Variants in MED16 observed in about 807,000 individuals in gnomAD.
The protein encoded by MED16 is mediator of RNA polymerase II transcription subunit 16.
Under a neutral mutation model 84.4 loss-of-function variants are expected in MED16, and 81 were observed. The observed-to-expected ratio is 0.96, with a 90% CI of 0.80 to 1.15. The LOEUF (loss-of-function observed/expected upper bound fraction) is 1.15, where lower values mean the gene tolerates loss of function less well. Among genes scored for constraint, MED16 ranks in the 50% most tolerant of loss-of-function variants. The probability of loss-of-function intolerance (pLI) is 0.00; values close to 1 mark genes in which losing one functional copy is unlikely to be tolerated. For missense variants in MED16, 1,585 were observed against 1,245.9 expected (o/e 1.27, Z -4.10); for synonymous variants, 897 against 552.2 (o/e 1.62, Z -8.76).
chr19:892,874 A>AGCCCCGCGCCCCGCGCCCCGC lies in MED16; in HGVS notation c.-19+211_-19+212insGCGGGGCGCGGGGCGCGGGGC, dbSNP rs1420955035. 588 of 84,106 alleles carry AGCCCCGCGCCCCGCGCCCCGC rather than the reference A, an allele frequency of 7.0e-3. 3 individuals carry two copies. Among genetic ancestry groups the AGCCCCGCGCCCCGCGCCCCGC allele is most frequent in the East Asian group, 9.2e-3 (36 of 3,906 alleles). The allele number at this position is 84,106 out of a possible 1,614,324, so 5.2% of individuals were successfully genotyped here. A position where few individuals can be genotyped will look rare whatever the true frequency, so the allele number is the denominator to read the frequency against. ...CCCCAGGTTTCCGCCGCAAACCCTG[A>AGCCCCGCGCCCCGCGCCCCGC]GCCCCGAGCCCCGCGCCCCGCGCCC... is the stretch of plus-strand genomic sequence containing the variant. On this transcript the variant is annotated intron_variant, in intron 1 of 15. Coordinates refer to ENST00000325464, the MANE Select transcript of MED16 (RefSeq NM_005481.3).
At chr19:870,072 G>A (rs1411005217) in intron 13 of MED16, among the ~76,000 whole-genome samples, 1 of 152,012 alleles carries the variant, frequency 6.6e-6, no homozygotes, top group South Asian at 2.1e-4. Flanking sequence ...CCCGGGCCCT[G>A]CAAGGTGACC....
intron 2 of MED16, 111 bp downstream of exon 2, chr19:890,852 T>A: frequency 8.4e-7 from 1 of 1,192,478 alleles, no homozygotes; most frequent in South Asian, 1.5e-5. Context: ...CCAGGGTGAG[T>A]GAGAGGTGGC....
At chr19:881,859 C>A (rs2036428494) in intron 6 of MED16, 145 bp from the exon 7 acceptor site, 2 of 985,500 alleles carry the variant, frequency 2.0e-6, no homozygotes, top group East Asian at 5.2e-5. Context: ...CCCAGAAGAC[C>A]AGGCCCGGCC....
rs35267984 is a variant in MED16 at position 886,743 on chromosome 19, C to T, written c.448-542G>A. Among the ~76,000 whole-genome samples, 1,009 of 152,336 alleles carry T rather than the reference C, an allele frequency of 6.6e-3. 10 individuals are homozygous for T. The highest frequency in any genetic ancestry group is 0.01 in the Non-Finnish European group (702 of 68,038). On this transcript the variant is annotated intron_variant, in intron 4 of 15. Transcript: ENST00000325464. Reference sequence around the variant, plus strand: ...AATTTGTCAAGTCATTATTGACATACGGAAACATCCACCCTTCTTTCAACG... The same window carrying T: ...AATTTGTCAAGTCATTATTGACATATGGAAACATCCACCCTTCTTTCAACG...
intron 5 of MED16, among the ~76,000 whole-genome samples, 153 bp downstream of exon 5, chr19:885,617 T>C (rs1215957401): frequency 6.6e-6 from 1 of 151,948 alleles, no homozygotes; most frequent in African/African-American, 2.4e-5. Flanking sequence ...AGGCAGAAAA[T>C]GGGTTCTCCC....
chr19:882,564 G>T (rs117089291), intron 6 of MED16, among the ~76,000 whole-genome samples: 161 of 152,328 alleles, frequency 1.1e-3, no homozygotes, highest in Non-Finnish European at 1.8e-3. Flanking sequence ...GAGCACGTGT[G>T]GGGGGTCCTG....
At position 880,468 on chromosome 19, in the gene MED16, G is replaced by C. The variant is rs2036397107; in HGVS notation, c.1142-320C>G. On this transcript the variant is annotated intron_variant, in intron 7 of 15. Coordinates refer to ENST00000325464, the MANE Select transcript of MED16 (RefSeq NM_005481.3). ...GGGGGCACTACAGGTGGGGGACCAA[G>C]GGTTGGGGCTCCTGGCGTCCCAAAG... Among the ~76,000 whole-genome samples the C allele has an allele frequency of 2.6e-5, 4 of 152,330 alleles. No individual in the cohort carries two copies. The South Asian group carries it at 8.3e-4, about 32-fold the overall frequency.
In MED16 at chr19:891,553, G is replaced by A. The variant is rs527917843; in HGVS notation, c.-18-404C>T. On this transcript the variant is annotated intron_variant, in intron 1 of 15. Transcript: ENST00000325464. ...CTCCCGAAGGAAGAGCCCGCAGACA[G>A]GCAAGCGGTGGGGCGGCTCCCTGTA... Among the ~76,000 whole-genome samples, 1,313 of 152,340 alleles carry A rather than the reference G, an allele frequency of 8.6e-3. 11 individuals carry two copies. Among genetic ancestry groups the A allele is most frequent in the Admixed American group, 0.015 (223 of 15,304 alleles).
chr19:874,421 TA>T (rs1253060489), intron 10 of MED16, among the ~76,000 whole-genome samples: 2 of 152,106 alleles, frequency 1.3e-5, no homozygotes, highest in East Asian at 3.9e-4. Flanking sequence ...CCCTAATTTT[TA>T]AAAGAAACAG....
Position 871,141 on chromosome 19 carries a change from G to C in MED16, c.2211C>G (p.Gly737=). Reference sequence around the variant, plus strand: ...GCTTGGGCTGCAGGCGGCTAACCAGGCCGTCGCTGGCTGGCAGCCAGTCCA... The same window carrying C: ...GCTTGGGCTGCAGGCGGCTAACCAGCCCGTCGCTGGCTGGCAGCCAGTCCA... ...PSLDWLPASD[G]LVSRLQPKQP... Residue 737 remains glycine (G), a synonymous_variant, in exon 13 of 16, where the codon GGC becomes GGG. Transcript: ENST00000325464. The C allele has an allele frequency of 6.5e-7, 1 of 1,548,126 alleles. No individual in the cohort carries two copies. Among genetic ancestry groups the C allele is most frequent in the East Asian group, 2.4e-5 (1 of 40,900 alleles).
intron 10 of MED16, among the ~76,000 whole-genome samples, 169 bp downstream of exon 10, chr19:875,075 A>T (rs2036196906): frequency 6.6e-6 from 1 of 152,148 alleles, no homozygotes; most frequent in Non-Finnish European, 1.5e-5. Flanking sequence ...GAGGCAGGAG[A>T]ATCACTTGAA....
intron 13 of MED16, among the ~76,000 whole-genome samples, chr19:870,353 G>C (rs1377743520): frequency 1.3e-5 from 2 of 152,134 alleles, no homozygotes; most frequent in African/African-American, 4.8e-5. Context: ...CTGAGGTCAG[G>C]AGTTCAAGAC....
At chr19:879,583 A>C (rs1327388029) in intron 8 of MED16, among the ~76,000 whole-genome samples, 2 of 128,506 alleles carry the variant, frequency 1.6e-5, no homozygotes, top group Non-Finnish European at 3.1e-5. Context: ...GTCAATGCCC[A>C]GCAGCTCACC....
In MED16 at chr19:875,367, T is replaced by C. The variant is rs201600325; in HGVS notation, c.1648A>G (p.Lys550Glu). 8.9e-5 allele frequency: 144 copies of C among 1,609,800 alleles called. No homozygotes were observed. The highest frequency in any genetic ancestry group is 1.2e-4 in the Non-Finnish European group (137 of 1,179,722). Residue 550 changes from lysine (K) to glutamate (E), a missense_variant, in exon 10 of 16, where the codon AAG becomes GAG. Transcript: ENST00000325464. ...TVTRVCDYHT[K>E]LFLIAISSTL... ...GAGCTGATGGCGATGAGGAAGAGCT[T>C]GGTGTGGTAGTCGCACACGCGGGTC...
At chr19:880,560 G>A (rs1683566) in intron 7 of MED16, among the ~76,000 whole-genome samples, 45,318 of 152,140 alleles carry the variant, frequency 0.3, 7,336 homozygotes, top group African/African-American at 0.39. Flanking sequence ...TACGAGGGCC[G>A]GGGGGAGGTG....
intron 7 of MED16, among the ~76,000 whole-genome samples, chr19:880,553 G>A (rs551732990): frequency 1.3e-5 from 2 of 152,294 alleles, no homozygotes; most frequent in African/African-American, 4.8e-5. Context: ...GCCATTGTAC[G>A]AGGGCCGGGG....
At chr19:879,130 C>G (rs2036347058) in intron 8 of MED16, among the ~76,000 whole-genome samples, 1 of 141,832 alleles carries the variant, frequency 7.1e-6, no homozygotes, top group African/African-American at 2.6e-5. Context: ...CCCCCCAGCC[C>G]CAGCCCCAGC....
chr19:876,450 G>C (rs1301647156), intron 9 of MED16, among the ~76,000 whole-genome samples: 3 of 152,122 alleles, frequency 2.0e-5, no homozygotes, highest in Non-Finnish European at 2.9e-5. Flanking sequence ...CACATTCTGA[G>C]AGGATGGCTT....
At chr19:868,395 C>T (rs1454023935) in intron 15 of MED16, 21 bp downstream of exon 15, 26 of 1,607,140 alleles carry the variant, frequency 1.6e-5, no homozygotes, top group Non-Finnish European at 2.0e-5. Flanking sequence ...GAGGGGCACC[C>T]GCCACCAGAG....
Sources: gnomAD v4.1 joint callset for allele counts (sites outside exome capture counted in the v4.1 genomes callset) on GRCh38, gnomAD v4.1.1 for gene constraint, MANE v1.5 for transcripts, NCBI Gene and HGNC (gene_info 2026-07-23, HGNC 2026-07-21) for gene names.